Variants in MCCC1 observed in about 807,000 individuals in gnomAD.
MCCC1 encodes the protein methylcrotonyl-CoA carboxylase subunit 1, also known as methylcrotonoyl-CoA carboxylase subunit alpha, mitochondrial.
Under a neutral mutation model 83.8 loss-of-function variants are expected in MCCC1, and 64 were observed. That is an observed-to-expected ratio of 0.76 (90% CI 0.62 to 0.94). The LOEUF (loss-of-function observed/expected upper bound fraction) is 0.94. MCCC1 is among the 40% of genes least tolerant of loss of function. The pLI, the probability that MCCC1 is intolerant of heterozygous loss-of-function variation, is 0.00. For synonymous variants in MCCC1, 322 were observed against 315.4 expected, an observed-to-expected ratio of 1.02 and a Z score of -0.22; for missense variants, 807 against 904.7, an observed-to-expected ratio of 0.89 and a Z score of 1.39.
chr3:183,081,553 C>T (rs746504708), intron 4 of MCCC1, among the ~76,000 whole-genome samples: 8 of 152,134 alleles, frequency 5.3e-5, no homozygotes, highest in Admixed American at 1.3e-4. Flanking sequence ...CATGGTGAAG[C>T]GGACAAGTCA....
upstream of MCCC1, among the ~76,000 whole-genome samples, chr3:183,101,466 C>T (rs542500256): frequency 2.0e-5 from 3 of 152,282 alleles, no homozygotes; most frequent in East Asian, 3.9e-4. Flanking sequence ...ATGCACCAAT[C>T]GACACTCTGT....
At chr3:183,111,031 C>A (rs1247828950) in intron 1 of MCCC1, among the ~76,000 whole-genome samples, 1 of 152,098 alleles carries the variant, frequency 6.6e-6, no homozygotes, top group African/African-American at 2.4e-5. Flanking sequence ...ATTTGACATG[C>A]TTTTTAATGA....
chr3:183,054,173 T>C (rs904499084), intron 8 of MCCC1, among the ~76,000 whole-genome samples: 1 of 144,768 alleles, frequency 6.9e-6, no homozygotes, highest in Non-Finnish European at 1.5e-5. Flanking sequence ...TGAGCCACCA[T>C]ACCCAGCCAA....
At chr3:183,102,371 A>C (rs541068145), upstream of MCCC1, among the ~76,000 whole-genome samples, 19 of 152,274 alleles carry the variant, frequency 1.2e-4, no homozygotes, top group South Asian at 1.5e-3. Context: ...TCCAAAAAAG[A>C]AGCAAAAAAA....
At chr3:183,057,533 C>T in intron 7 of MCCC1, 111 bp from the exon 8 acceptor site, 5 of 883,480 alleles carry the variant, frequency 5.7e-6, no homozygotes, top group Non-Finnish European at 9.1e-6. Context: ...TTTTTACTTC[C>T]TTTAAGTAAG....
chr3:183,063,032 G>A (rs553778048), intron 7 of MCCC1, among the ~76,000 whole-genome samples: 3 of 152,074 alleles, frequency 2.0e-5, no homozygotes, highest in Admixed American at 2.0e-4. Flanking sequence ...CACCCAGGCT[G>A]TAGTGCAGTG....
upstream of MCCC1, among the ~76,000 whole-genome samples, chr3:183,101,175 TCCCA>T (rs1265180760): frequency 6.6e-6 from 1 of 152,176 alleles, no homozygotes; most frequent in African/African-American, 2.4e-5. Context: ...TGCCTGAACC[TCCCA>T]CCCACTCCAT....
intron 4 of MCCC1, among the ~76,000 whole-genome samples, chr3:183,078,199 T>C (rs1458789489): frequency 6.6e-6 from 1 of 152,142 alleles, no homozygotes; most frequent in Non-Finnish European, 1.5e-5. Context: ...TTTGTATTTT[T>C]AGTAGAGACA....
chr3:183,053,243 G>A (rs543435565), intron 8 of MCCC1, among the ~76,000 whole-genome samples: 1 of 152,070 alleles, frequency 6.6e-6, no homozygotes, highest in Non-Finnish European at 1.5e-5. Context: ...GGCCGAGACG[G>A]GTGAAGCACT....
rs530345310 is a variant in MCCC1, at chr3:183,022,512, C to T, written c.1774G>A (p.Glu592Lys). The T allele has an allele frequency of 7.4e-6, 12 of 1,613,726 alleles. No homozygotes were observed. Among genetic ancestry groups the T allele is most frequent in the East Asian group, 6.7e-5 (3 of 44,872 alleles). Residue 592 changes from glutamate (E) to lysine (K), a missense_variant, in exon 16 of 19, where the codon GAG (glutamate) becomes AAG (lysine). Transcript: ENST00000265594. ...TFQVLGNLYS[E>K]GDCTYLKCSV... ...CATTTCAGGTAAGTGCAGTCTCCCT[C>T]GCTGTAAAGATTACCAAGGACTTGG... is the stretch of plus-strand genomic sequence containing the variant.
At position 183,064,888 on chromosome 3, in the gene MCCC1, T is replaced by C. The variant is rs2108516469; in HGVS notation, c.761+6111A>G. Among the ~76,000 whole-genome samples the C allele has an allele frequency of 1.3e-5, 2 of 152,126 alleles. No homozygotes were observed. Among genetic ancestry groups the C allele is most frequent in the East Asian group, 1.9e-4 (1 of 5,178 alleles). ...TTGCAATGGGCGGGTCTTTCTCTGG[T>C]CTCTCTGAGCACCTTGCTTTCCCCA... On this transcript the variant is annotated intron_variant, in intron 7 of 18. Coordinates refer to ENST00000265594, the MANE Select transcript of MCCC1 (RefSeq NM_020166.5). This position sits in a 1 kb window ranked among gnomAD's most constrained non-coding sequence, Gnocchi z 4.5.
Position 183,039,090 on chromosome 3 carries a change from A to G in MCCC1, c.1313T>C (p.Val438Ala). The change falls in exon 12 of 19, where the codon GTC becomes GCC. Residue 438 changes from valine to alanine, a missense_variant. By Grantham distance (64) the Val-to-Ala change is moderately conservative. Transcript: ENST00000265594. ...CGCCTGGCGATCTGCTGCCCACACGACCAGCTTCGCAATCATGGGGTCATA... is the reference window on the plus strand; with the variant it reads ...CGCCTGGCGATCTGCTGCCCACACGGCCAGCTTCGCAATCATGGGGTCATA... Reference protein sequence around the residue: ...VHYDPMIAKLVVWAADRQAAL... With the variant: ...VHYDPMIAKLAVWAADRQAAL... 6.2e-7 allele frequency: 1 copy of G among 1,614,174 alleles called. No homozygotes were observed. The highest frequency in any genetic ancestry group is 1.3e-5 in the African/African-American group (1 of 75,046).
At chr3:183,029,466 C>G (rs1712874148) in intron 14 of MCCC1, among the ~76,000 whole-genome samples, 1 of 152,218 alleles carries the variant, frequency 6.6e-6, no homozygotes, top group Non-Finnish European at 1.5e-5. Flanking sequence ...GGCTTGAAAC[C>G]TGTCATCCTT....
In MCCC1 at chr3:183,024,738, C is replaced by T. The variant is rs1022090471; in HGVS notation, c.1731+1017G>A. ...ACAGCTGCAATGGAAAACAGTATGG[C>T]GGTTTTTCAAAGAATCAGAATCACT... On this transcript the variant is annotated intron_variant, in intron 15 of 18. Transcript: ENST00000265594. Among the ~76,000 whole-genome samples the T allele has an allele frequency of 1.3e-4, 20 of 152,058 alleles. 1 individual carries two copies. The highest frequency in any genetic ancestry group is 9.6e-4 in the East Asian group (5 of 5,184).
chr3:183,050,516 A>G (rs1037958344), intron 9 of MCCC1, among the ~76,000 whole-genome samples: 4 of 151,996 alleles, frequency 2.6e-5, no homozygotes, highest in East Asian at 1.9e-4. Context: ...CAGCCTGGCT[A>G]AAGTGGTGAA....
In MCCC1 at chr3:183,109,282, G is replaced by C. The variant is rs139622708; in HGVS notation, c.-102+6192C>G. On this transcript the variant is annotated intron_variant, in intron 1 of 17. Coordinates refer to the MCCC1 transcript ENST00000492597. Reference sequence around the variant, plus strand: ...GCTGGGATTACAGGCGTGAGCCACCGTGCCTGGCCATGTGTAGGTTATTTA... The same window carrying C: ...GCTGGGATTACAGGCGTGAGCCACCCTGCCTGGCCATGTGTAGGTTATTTA... Among the ~76,000 whole-genome samples the C allele has an allele frequency of 3.3e-5, 5 of 152,160 alleles. No homozygotes were observed. The East Asian group carries it at 9.7e-4, about 29-fold the overall frequency.
upstream of MCCC1, among the ~76,000 whole-genome samples, chr3:183,103,309 T>C (rs148973779): frequency 5.8e-3 from 879 of 152,246 alleles, 10 homozygotes; most frequent in African/African-American, 0.02. Context: ...CTACTCGCTC[T>C]GGGCAGCCTG....
intron 1 of MCCC1, among the ~76,000 whole-genome samples, chr3:183,108,114 C>T (rs547982706): frequency 2.8e-4 from 42 of 152,116 alleles, no homozygotes; most frequent in Non-Finnish European, 3.8e-4. Flanking sequence ...AATGTTATTA[C>T]GCTGACAAGG....
chr3:183,086,286 T>C (rs1214515686), intron 4 of MCCC1, among the ~76,000 whole-genome samples: 3 of 152,218 alleles, frequency 2.0e-5, no homozygotes, highest in African/African-American at 7.2e-5. Flanking sequence ...TCGTCTTCCT[T>C]AAGTTCCCTA....
Sources: gnomAD v4.1 joint callset for allele counts (sites outside exome capture counted in the v4.1 genomes callset) on GRCh38, gnomAD v4.1.1 for gene constraint, Gnocchi (gnomAD v3.1) non-coding constraint, MANE v1.5 for transcripts, NCBI Gene and HGNC (gene_info 2026-07-23, HGNC 2026-07-21) for gene names.